The following FRS2 variants were observed in gnomAD, a reference collection of about 807,000 sequenced individuals.
The protein encoded by FRS2 is FGFR signalling adaptor.
FRS2 carries 8 observed loss-of-function variants against 43.9 expected under a neutral mutation model. That is an observed-to-expected ratio of 0.18 (90% CI 0.11 to 0.33). The LOEUF (loss-of-function observed/expected upper bound fraction) is 0.33. Ranked by LOEUF, FRS2 falls within the 10% of genes least tolerant of loss-of-function variation. FRS2 has a pLI of 1.00. For synonymous variants in FRS2, 219 were observed against 220.3 expected (o/e 0.99, Z 0.05); for missense variants, 534 against 627.6 (o/e 0.85, Z 1.59).
chr12:69,569,220 C>T, intron 5 of FRS2, 124 bp downstream of exon 5: 1 of 556,458 alleles, frequency 1.8e-6, no homozygotes. Flanking sequence ...TCTTTCCACC[C>T]TGTCTTTCTT....
intron 2 of FRS2, 34 bp from the exon 3 acceptor site, chr12:69,531,980 T>C (rs1055007027): frequency 2.0e-5 from 3 of 152,620 alleles, no homozygotes; most frequent in African/African-American, 7.2e-5. Flanking sequence ...GTCTTGAAAC[T>C]AACATTTCCA....
chr12:69,528,218 A>T (rs866625326), intron 1 of FRS2, among the ~76,000 whole-genome samples: 3 of 152,058 alleles, frequency 2.0e-5, no homozygotes, highest in African/African-American at 7.2e-5. Flanking sequence ...GCCTAGGGGG[A>T]GTTTGTTTAT....
intron 3 of FRS2, among the ~76,000 whole-genome samples, chr12:69,549,997 G>A (rs1398807559): frequency 6.6e-6 from 1 of 152,220 alleles, no homozygotes; most frequent in Admixed American, 6.5e-5. Context: ...AGTCTCATCT[G>A]TCCGTATGCT....
intron 1 of FRS2, among the ~76,000 whole-genome samples, chr12:69,506,253 TG>T (rs1873918226): frequency 6.6e-6 from 1 of 152,146 alleles, no homozygotes; most frequent in African/African-American, 2.4e-5. Context: ...GAAGTCTGGT[TG>T]GGGTTTGTTT....
At chr12:69,547,324 G>C (rs1027530943) in intron 3 of FRS2, among the ~76,000 whole-genome samples, 25 of 152,082 alleles carry the variant, frequency 1.6e-4, no homozygotes, top group African/African-American at 5.8e-4. Context: ...AACTGCACGT[G>C]GTGGGATGTA....
chr12:69,515,205 G>C (rs1425899808), intron 1 of FRS2, among the ~76,000 whole-genome samples: 2 of 152,164 alleles, frequency 1.3e-5, no homozygotes, highest in Non-Finnish European at 2.9e-5. Context: ...TGTCTTTTCT[G>C]TCCTGATGCA....
chr12:69,507,157 C>CA (rs1218345090), intron 1 of FRS2, among the ~76,000 whole-genome samples: 2 of 152,104 alleles, frequency 1.3e-5, no homozygotes, highest in Admixed American at 6.5e-5. Flanking sequence ...TAATAAGCAA[C>CA]AAAAAACACA....
chr12:69,531,778 CA>C (rs1876826938), intron 2 of FRS2, among the ~76,000 whole-genome samples: 1 of 152,002 alleles, frequency 6.6e-6, no homozygotes, highest in Admixed American at 6.5e-5. Flanking sequence ...AGGTACCTAG[CA>C]AAATGACTTG....
chr12:69,507,456 C>G (rs780531260), intron 1 of FRS2, among the ~76,000 whole-genome samples: 1 of 152,120 alleles, frequency 6.6e-6, no homozygotes, highest in African/African-American at 2.4e-5. Flanking sequence ...ATAGTTGACA[C>G]ATGAAATCCA....
At chr12:69,505,226 G>A (rs535845580) in intron 1 of FRS2, among the ~76,000 whole-genome samples, 1 of 152,294 alleles carries the variant, frequency 6.6e-6, no homozygotes, top group African/African-American at 2.4e-5. Context: ...AGCAAATGAG[G>A]AAATGGAAGC....
At chr12:69,480,991 A>G (rs970369495) in intron 1 of FRS2, among the ~76,000 whole-genome samples, 3 of 152,210 alleles carry the variant, frequency 2.0e-5, no homozygotes, top group African/African-American at 7.2e-5. Context: ...AGAGCTTATA[A>G]GTAACCGCCT....
chr12:69,478,963 A>G (rs1197565718), intron 1 of FRS2, among the ~76,000 whole-genome samples: 1 of 145,098 alleles, frequency 6.9e-6, no homozygotes, highest in Admixed American at 6.8e-5. Context: ...TTTTTTTTTT[A>G]ACATTTCCCT....
intron 1 of FRS2, among the ~76,000 whole-genome samples, chr12:69,514,581 C>G (rs192078203): frequency 3.3e-5 from 5 of 152,180 alleles, no homozygotes; most frequent in African/African-American, 9.6e-5. Context: ...GCCTTTAATC[C>G]CAGCACTTTA....
intron 3 of FRS2, among the ~76,000 whole-genome samples, chr12:69,550,065 A>G (rs745837116): frequency 6.6e-6 from 1 of 152,102 alleles, no homozygotes; most frequent in Non-Finnish European, 1.5e-5. Context: ...CTGTATTTCT[A>G]TTTGTTGAGC....
At position 69,569,087 on chromosome 12, in the gene FRS2, C is replaced by G; in HGVS notation, c.57C>G (p.Asn19Lys). The change falls in exon 5 of 9, where the codon AAC becomes AAG. Residue 19 changes from asparagine (N) to lysine (K), a missense_variant. By Grantham distance (94) the Asn-to-Lys change is moderately conservative. Coordinates refer to ENST00000549921, the MANE Select transcript of FRS2 (RefSeq NM_001278356.2). ...ACACTGTCCCAGATAACCATCGGAA[C>G]AAGTTTAAGGTCAGTAAAACTGGTT... ...DKDTVPDNHRNKFKVINVDDD... is the reference protein window; with the variant it reads ...DKDTVPDNHRKKFKVINVDDD... 1 of 1,607,494 alleles carries G rather than the reference C, an allele frequency of 6.2e-7. No individual in the cohort carries two copies. Among genetic ancestry groups the G allele is most frequent in the Non-Finnish European group, 8.5e-7 (1 of 1,174,530 alleles).
chr12:69,553,792 T>C (rs1879112986), intron 3 of FRS2, among the ~76,000 whole-genome samples: 3 of 152,120 alleles, frequency 2.0e-5, no homozygotes, highest in African/African-American at 7.2e-5. Context: ...GAAGAAAAAC[T>C]TTGGGAACAT....
At position 69,574,600 on chromosome 12, in the gene FRS2, A is replaced by G. The variant is rs757873308; in HGVS notation, c.1172A>G (p.Asn391Ser). The G allele has an allele frequency of 1.2e-6, 2 of 1,614,058 alleles. No individual in the cohort carries two copies. Among genetic ancestry groups the G allele is most frequent in the Admixed American group, 3.3e-5 (2 of 60,028 alleles). ...CATAATAATCTAGATCCAATGCATAACTATGTAAATACAGAGAATGTAACA... is the reference window on the plus strand; with the variant it reads ...CATAATAATCTAGATCCAATGCATAGCTATGTAAATACAGAGAATGTAACA... ...GYHNNLDPMH[N>S]YVNTENVTVP... Residue 391 changes from asparagine (N) to serine (S), a missense_variant, in exon 9 of 9, where the codon AAC becomes AGC. Around this residue, in one of 3 missense-constraint regions of FRS2, gnomAD observed 446 missense variants for 494.2 expected, o/e 0.90. Transcript: ENST00000549921.
intron 1 of FRS2, among the ~76,000 whole-genome samples, chr12:69,499,839 G>T (rs541391321): frequency 1.3e-5 from 2 of 152,198 alleles, no homozygotes; most frequent in African/African-American, 2.4e-5. Context: ...TGAATTTGAT[G>T]TGCTGGTATA....
chr12:69,567,077 GA>G (rs1260561323), intron 4 of FRS2, among the ~76,000 whole-genome samples: 2 of 152,156 alleles, frequency 1.3e-5, no homozygotes, highest in African/African-American at 2.4e-5. Context: ...GCCTAACCCA[GA>G]AAGTTAGTTG....
Sources: gnomAD v4.1 joint callset for allele counts (sites outside exome capture counted in the v4.1 genomes callset) on GRCh38, gnomAD v4.1.1 for gene constraint, gnomAD v4.1.1 regional missense constraint, MANE v1.5 for transcripts, NCBI Gene and HGNC (gene_info 2026-07-23, HGNC 2026-07-21) for gene names.